Variants in BRWD1 observed in about 807,000 individuals in gnomAD.
BRWD1 encodes the protein bromodomain and WD repeat-containing protein 1.
Under a neutral mutation model 251.2 loss-of-function variants are expected in BRWD1, and 82 were observed. The observed-to-expected ratio is 0.33, with a 90% CI of 0.27 to 0.39. The LOEUF (loss-of-function observed/expected upper bound fraction) is 0.39. Ranked by LOEUF, BRWD1 falls within the 10% of genes least tolerant of loss-of-function variation. The pLI is 1.00. For missense variants in BRWD1, 2,233 were observed against 2,711.6 expected (o/e 0.82, Z 3.92); for synonymous variants, 918 against 902.8 (o/e 1.02, Z -0.30).
intron 19 of BRWD1, among the ~76,000 whole-genome samples, chr21:39,253,311 A>AAG (rs2034459527): frequency 7.0e-6 from 1 of 143,360 alleles, no homozygotes; most frequent in African/African-American, 2.6e-5. Context: ...AAAAAAAAAA[A>AAG]GGACTAGAAG....
intron 4 of BRWD1, among the ~76,000 whole-genome samples, chr21:39,311,503 A>G (rs1307025009): frequency 1.3e-5 from 2 of 152,176 alleles, no homozygotes; most frequent in Non-Finnish European, 2.9e-5. Flanking sequence ...ACAGCACTAC[A>G]TTTGTTTCAA....
chr21:39,223,497 C>T (rs1209492964), intron 29 of BRWD1, among the ~76,000 whole-genome samples: 1 of 151,998 alleles, frequency 6.6e-6, no homozygotes, highest in Non-Finnish European at 1.5e-5. Context: ...CAAAAAGTTT[C>T]GCAAAAGGGA....
intron 29 of BRWD1, among the ~76,000 whole-genome samples, chr21:39,220,651 G>T (rs1330633524): frequency 6.6e-6 from 1 of 151,982 alleles, no homozygotes; most frequent in African/African-American, 2.4e-5. Flanking sequence ...AACCAGAATT[G>T]GCACATATGT....
intron 27 of BRWD1, among the ~76,000 whole-genome samples, chr21:39,226,420 C>G (rs2146537244): frequency 6.6e-6 from 1 of 152,206 alleles, no homozygotes; most frequent in Non-Finnish European, 1.5e-5. Context: ...TTCTCAACCA[C>G]AAAAATAAAA....
chr21:39,314,038 C>T (rs2036630082), upstream of BRWD1: 1 of 455,558 alleles, frequency 2.2e-6, no homozygotes, highest in Non-Finnish European at 4.4e-6. Flanking sequence ...GGCCCCGAGT[C>T]GCGGGTTGGG....
At chr21:39,303,762 G>A (rs1296774747) in intron 4 of BRWD1, among the ~76,000 whole-genome samples, 1 of 151,752 alleles carries the variant, frequency 6.6e-6, no homozygotes, top group Non-Finnish European at 1.5e-5. Context: ...GGCTGAGGCT[G>A]CAGTGAGCTG....
intron 37 of BRWD1, among the ~76,000 whole-genome samples, chr21:39,204,774 C>T (rs2032309460): frequency 6.6e-6 from 1 of 152,146 alleles, no homozygotes; most frequent in Non-Finnish European, 1.5e-5. Context: ...ATTAGATCCT[C>T]ATAAGGAGCA....
Position 39,188,901 on chromosome 21 carries a change from T to G in BRWD1, c.*7358A>C. ...GTCTCCAGGCATTGTAAATGGCATT[T>G]TACCAGAGTAAGACACTCATCACGG... On this transcript the variant is annotated 3_prime_UTR_variant, in exon 41 of 41. Transcript: ENST00000342449. 2.0e-6 allele frequency: 2 copies of G among 985,404 alleles called. No individual in the cohort carries two copies. Among genetic ancestry groups the G allele is most frequent in the Non-Finnish European group, 2.4e-6 (2 of 829,914 alleles). The allele number at this position is 985,404 out of a possible 1,614,324, so 61.0% of individuals were successfully genotyped here.
intron 11 of BRWD1, 148 bp from the exon 12 acceptor site, chr21:39,276,361 A>G (rs1222707290): frequency 5.6e-6 from 3 of 533,748 alleles, no homozygotes; most frequent in Non-Finnish European, 6.3e-6. Flanking sequence ...AACATGTTTT[A>G]TAATTTTAAG....
At chr21:39,281,991 T>A (rs907206622) in intron 8 of BRWD1, among the ~76,000 whole-genome samples, 1 of 151,572 alleles carries the variant, frequency 6.6e-6, no homozygotes, top group Non-Finnish European at 1.5e-5. Flanking sequence ...TATATAAATA[T>A]GTATATATAC....
chr21:39,198,598 T>C (rs559757486), intron 40 of BRWD1, among the ~76,000 whole-genome samples, 165 bp downstream of exon 40: 4 of 151,898 alleles, frequency 2.6e-5, no homozygotes, highest in Non-Finnish European at 5.9e-5. Context: ...CATAAGAATA[T>C]AAAGGATGAA....
intron 36 of BRWD1, among the ~76,000 whole-genome samples, chr21:39,207,451 A>AC (rs1555849300): frequency 7.6e-6 from 1 of 131,288 alleles, no homozygotes; most frequent in Non-Finnish European, 1.6e-5. Context: ...AAAAAAAGAA[A>AC]ACACACACAC....
chr21:39,234,952 C>T (rs2033757711), intron 23 of BRWD1, among the ~76,000 whole-genome samples: 2 of 152,092 alleles, frequency 1.3e-5, no homozygotes, highest in African/African-American at 4.8e-5. Context: ...GTAAATATGA[C>T]TAAAAATTAC....
chr21:39,305,879 A>AC (rs1436437976), intron 4 of BRWD1, among the ~76,000 whole-genome samples: 4 of 149,944 alleles, frequency 2.7e-5, no homozygotes, highest in Non-Finnish European at 5.9e-5. Context: ...AAAAAAAAAA[A>AC]AAACCTTATC....
At chr21:39,204,465 T>C (rs1234171320) in intron 37 of BRWD1, among the ~76,000 whole-genome samples, 1 of 152,120 alleles carries the variant, frequency 6.6e-6, no homozygotes, top group Non-Finnish European at 1.5e-5. Context: ...AGTCAAAGAA[T>C]ATAGAATGTA....
At chr21:39,263,087 C>T (rs184618808) in intron 17 of BRWD1, among the ~76,000 whole-genome samples, 203 of 152,114 alleles carry the variant, frequency 1.3e-3, no homozygotes, top group African/African-American at 4.7e-3. Flanking sequence ...CCTGGGGAAA[C>T]GAGTAAGACC....
rs182186820 is a variant in BRWD1 at position 39,211,754 on chromosome 21, G to A, written c.3901-825C>T. 2.1e-3 allele frequency among the ~76,000 whole-genome samples: 322 copies of A among 152,192 alleles called. 5 individuals are homozygous for A. The highest frequency in any genetic ancestry group is 3.8e-3 in the Admixed American group (58 of 15,280). ...TCTAGAAATAAAATTAAACGAAAATGACTAATCAAATTAGAGTATTTTAGG... is the reference window on the plus strand; with the variant it reads ...TCTAGAAATAAAATTAAACGAAAATAACTAATCAAATTAGAGTATTTTAGG... On this transcript the variant is annotated intron_variant, in intron 34 of 40. Coordinates refer to ENST00000342449, the MANE Select transcript of BRWD1 (RefSeq NM_033656.4).
At chr21:39,235,110 G>A (rs61122343) in intron 23 of BRWD1, among the ~76,000 whole-genome samples, 22 of 152,060 alleles carry the variant, frequency 1.4e-4, no homozygotes, top group Non-Finnish European at 2.6e-4. Context: ...TTAGCCAGGC[G>A]TGGTTGCGTG....
chr21:39,194,975 C>G lies in BRWD1; in HGVS notation c.*1284G>C. ...CATTTGAATCAAGTCCATCTTCAGG[C>G]ACAAACAAGTTAGGAATGGCCATCT... On this transcript the variant is annotated 3_prime_UTR_variant, in exon 41 of 41. Coordinates refer to ENST00000342449, the MANE Select transcript of BRWD1 (RefSeq NM_033656.4). 3.5e-6 allele frequency: 5 copies of G among 1,429,198 alleles called. No individual in the cohort carries two copies. The highest frequency in any genetic ancestry group is 3.7e-6 in the Non-Finnish European group (4 of 1,095,718). 88.5% of individuals were successfully genotyped at this position (1,429,198 alleles called of 1,614,324 possible). A position where few individuals can be genotyped will look rare whatever the true frequency, so the allele number is the denominator to read the frequency against.
Sources: gnomAD v4.1 joint callset for allele counts (sites outside exome capture counted in the v4.1 genomes callset) on GRCh38, gnomAD v4.1.1 for gene constraint, MANE v1.5 for transcripts, NCBI Gene and HGNC (gene_info 2026-07-23, HGNC 2026-07-21) for gene names.